TRPA1: variants seen among roughly 807,000 people sequenced by gnomAD.
The protein encoded by TRPA1 is ankyrin-like with transmembrane domains 1.
A neutral mutation model predicts 131.3 loss-of-function variants in TRPA1; 129 were observed. The ratio of observed to expected loss-of-function variants is 0.98; its 90% confidence interval spans 0.85 to 1.14. TRPA1 has a LOEUF of 1.14. Ranked by LOEUF, TRPA1 falls within the 50% of genes most tolerant of loss-of-function variation. The pLI is 0.00. For synonymous variants in TRPA1, 441 were observed against 451.7 expected (o/e 0.98, Z 0.30); for missense variants, 1,304 against 1,354.2 (o/e 0.96, Z 0.58).
Position 72,023,097 on chromosome 8 carries a change from G to T in TRPA1, c.3169C>A (p.Leu1057Ile). The change falls in exon 27 of 27, where the codon CTC (leucine) becomes ATC (isoleucine). Residue 1057 changes from leucine to isoleucine, a missense_variant. Coordinates refer to ENST00000262209, the MANE Select transcript of TRPA1 (RefSeq NM_007332.3). ...ATGAGCTCATGCTGTTTTTCCAGGA[G>T]AAAAGTAAGATCCTTCAGCCTAAAA... The part of the protein sequence containing the change: ...QKYRLKDLTF[L>I]LEKQHELIKL... 6.2e-7 allele frequency: 1 copy of T among 1,613,258 alleles called. No homozygotes were observed. Among genetic ancestry groups the T allele is most frequent in the East Asian group, 2.2e-5 (1 of 44,864 alleles).
rs1017962989 is a variant in TRPA1, at chr8:72,057,801, T to G, written c.1009A>C (p.Lys337Gln). The G allele has an allele frequency of 4.3e-6, 7 of 1,613,068 alleles. No homozygotes were observed. The Admixed American group carries it at 1.0e-4, about 23-fold the overall frequency. Residue 337 changes from lysine (K) to glutamine (Q), a missense_variant, in exon 9 of 27, where the codon AAG becomes CAG. By Grantham distance (53) the Lys-to-Gln change is moderately conservative. Coordinates refer to ENST00000262209, the MANE Select transcript of TRPA1 (RefSeq NM_007332.3). ...GGAGAGCGTCCTTCAGAATCGATCT[T>G]ATTAATATCTGCTCCCTAAAAATCA... is the stretch of plus-strand genomic sequence containing the variant. ...YLISVGADIN[K>Q]IDSEGRSPLI...
In TRPA1 at chr8:72,038,932, C is replaced by G; in HGVS notation, c.2228G>C (p.Gly743Ala). Residue 743 changes from glycine to alanine, a missense_variant, in exon 19 of 27, where the codon GGA becomes GCA. By Grantham distance (60) the Gly-to-Ala change is moderately conservative. Coordinates refer to ENST00000262209, the MANE Select transcript of TRPA1 (RefSeq NM_007332.3). ...GATGCCAGTTGAGTTGAAAGCCATT[C>G]CTGGTTTTATATTGACAACGAGAAT... ...MTILVVNIKP[G>A]MAFNSTGIIN... is the part of the protein sequence containing the mutation. 1 of 1,612,766 alleles carries G rather than the reference C, an allele frequency of 6.2e-7. No individual in the cohort carries two copies. Among genetic ancestry groups the G allele is most frequent in the South Asian group, 1.1e-5 (1 of 91,026 alleles).
At chr8:72,043,681 G>A (rs1812333092) in intron 17 of TRPA1, among the ~76,000 whole-genome samples, 1 of 151,664 alleles carries the variant, frequency 6.6e-6, no homozygotes, top group South Asian at 2.1e-4. Context: ...ATAGAAGTTG[G>A]AATTTCTGTT....
intron 21 of TRPA1, among the ~76,000 whole-genome samples, chr8:72,036,068 T>C (rs191115063): frequency 8.4e-4 from 121 of 144,866 alleles, no homozygotes; most frequent in African/African-American, 3.0e-3. Flanking sequence ...ATTATCTGGC[T>C]ACAAAGTTCA....
At chr8:72,064,282 G>T (rs866511649) in intron 4 of TRPA1, among the ~76,000 whole-genome samples, 1 of 150,158 alleles carries the variant, frequency 6.7e-6, no homozygotes, top group African/African-American at 2.4e-5. Flanking sequence ...TATATATGTA[G>T]AGAGTCCAGA....
intron 9 of TRPA1, 85 bp from the exon 10 acceptor site, chr8:72,057,102 A>T (rs544493946): frequency 5.4e-4 from 578 of 1,061,938 alleles, no homozygotes; most frequent in Non-Finnish European, 7.3e-4. Context: ...GCAAAAAAAA[A>T]TTTGACTAAA....
intron 18 of TRPA1, 115 bp from the exon 19 acceptor site, chr8:72,039,142 T>C (rs1812159982): frequency 1.9e-6 from 2 of 1,035,998 alleles, no homozygotes; most frequent in Non-Finnish European, 1.5e-6. Context: ...GTAAATTCAC[T>C]GAAGCTTAAG....
At chr8:72,041,824 A>G (rs1812261591) in intron 17 of TRPA1, among the ~76,000 whole-genome samples, 1 of 151,846 alleles carries the variant, frequency 6.6e-6, no homozygotes, top group East Asian at 1.9e-4. Flanking sequence ...GAACAGACTA[A>G]ACCTAAGATT....
chr8:72,089,360 C>A, the TRPA1 span, among the ~76,000 whole-genome samples: 1 of 151,914 alleles, frequency 6.6e-6, no homozygotes, highest in South Asian at 2.1e-4. Flanking sequence ...TTAATTTATA[C>A]CCAGATCATT....
chr8:72,057,090 T>C, intron 9 of TRPA1, 73 bp from the exon 10 acceptor site: 1 of 1,236,792 alleles, frequency 8.1e-7, no homozygotes, highest in Non-Finnish European at 1.1e-6. Context: ...ATTTTCAACT[T>C]AGCAAAAAAA....
chr8:72,072,130 C>G (rs560998448), intron 1 of TRPA1, among the ~76,000 whole-genome samples: 11 of 152,290 alleles, frequency 7.2e-5, no homozygotes, highest in Admixed American at 5.2e-4. Context: ...CGTTCTTCCT[C>G]ATTGTAAAGG....
At position 72,034,288 on chromosome 8, in the gene TRPA1, A is replaced by C. The variant is rs1585844867; in HGVS notation, c.2645T>G (p.Leu882Arg). The change falls in exon 22 of 27, where the codon CTG becomes CGG. Residue 882 changes from leucine (L) to arginine (R), a missense_variant. By Grantham distance (102) the Leu-to-Arg change is moderately radical. Coordinates refer to ENST00000262209, the MANE Select transcript of TRPA1 (RefSeq NM_007332.3). ...GATGTAAAAGCTGAGTCCAAAAGCC[A>C]GAAGAAGGAAGATAAATACAACTGT... Reference protein sequence around the residue: ...RSTVVFIFLLLAFGLSFYILL... With the variant: ...RSTVVFIFLLRAFGLSFYILL... 6.2e-7 allele frequency: 1 copy of C among 1,608,376 alleles called. No homozygotes were observed. Among genetic ancestry groups the C allele is most frequent in the African/African-American group, 1.3e-5 (1 of 74,902 alleles).
At chr8:72,067,954 G>C (rs1805970366) in intron 3 of TRPA1, among the ~76,000 whole-genome samples, 1 of 152,182 alleles carries the variant, frequency 6.6e-6, no homozygotes, top group Non-Finnish European at 1.5e-5. Flanking sequence ...AGGAATAAGA[G>C]ATACTTGAAT....
intron 21 of TRPA1, among the ~76,000 whole-genome samples, chr8:72,034,839 G>A (rs3779751): frequency 0.019 from 2,934 of 152,232 alleles, 80 homozygotes; most frequent in East Asian, 0.083. Context: ...CACTGTGCCC[G>A]GCCCTAATGT....
At chr8:72,077,282 G>A (rs1806205943), upstream of TRPA1, among the ~76,000 whole-genome samples, 1 of 65,282 alleles carries the variant, frequency 1.5e-5, no homozygotes, top group Non-Finnish European at 3.0e-5. Flanking sequence ...GACAGGGGGT[G>A]ACAGGGGTGG....
At chr8:72,076,356 G>C (rs950490855), upstream of TRPA1, among the ~76,000 whole-genome samples, 1 of 151,946 alleles carries the variant, frequency 6.6e-6, no homozygotes, top group Non-Finnish European at 1.5e-5. Context: ...CAATCGAAGA[G>C]GCTGGTTCTA....
Position 72,061,675 on chromosome 8 carries a change from G to A in TRPA1, c.894C>T (p.Ser298=), listed in dbSNP as rs772055118. 1.8e-5 allele frequency: 29 copies of A among 1,613,898 alleles called. 1 individual carries two copies. The highest frequency in any genetic ancestry group is 3.3e-5 in the South Asian group (3 of 91,076). ...CATCGGTTGTGTTAACAATATCCAC[G>A]CTACCAGAATAGGACGATATCATCA... The part of the protein sequence containing the change: ...VKLMISSYSG[S]VDIVNTTDGC... Residue 298 remains serine (S), a synonymous_variant, in exon 7 of 27, where the codon AGC becomes AGT. Transcript: ENST00000262209.
At chr8:72,089,281 T>C in the TRPA1 span, among the ~76,000 whole-genome samples, 1 of 152,264 alleles carries the variant, frequency 6.6e-6, no homozygotes, top group African/African-American at 2.4e-5. Flanking sequence ...TTATAGGATT[T>C]GGAAGTACAA....
rs753728850 is a variant in TRPA1 at position 72,055,428 on chromosome 8, A to G, written c.1529+8T>C. 3 of 1,611,030 alleles carry G rather than the reference A, an allele frequency of 1.9e-6. No homozygotes were observed. The highest frequency in any genetic ancestry group is 2.5e-6 in the Non-Finnish European group (3 of 1,177,390). ...AATTATATAAACACTCCAATCATATATCCTCACCTGAGAAACAATGCACCT... is the reference window on the plus strand; with the variant it reads ...AATTATATAAACACTCCAATCATATGTCCTCACCTGAGAAACAATGCACCT... On this transcript the variant is annotated splice_region_variant and intron_variant, in intron 12 of 26. Transcript: ENST00000262209.
Sources: gnomAD v4.1 joint callset for allele counts (sites outside exome capture counted in the v4.1 genomes callset) on GRCh38, gnomAD v4.1.1 for gene constraint, MANE v1.5 for transcripts, NCBI Gene and HGNC (gene_info 2026-07-23, HGNC 2026-07-21) for gene names.